LRRTM4: variants seen among roughly 807,000 people sequenced by gnomAD.
LRRTM4 encodes leucine rich repeat transmembrane neuronal 4.
In LRRTM4, 25 loss-of-function variants were observed where a neutral mutation model predicts 47.6. The ratio of observed to expected loss-of-function variants is 0.53; its 90% CI spans 0.38 to 0.73. The LOEUF (loss-of-function observed/expected upper bound fraction) is 0.73, where lower values mean the gene tolerates loss of function less well. Ranked by LOEUF, LRRTM4 falls within the 30% of genes least tolerant of loss-of-function variation. LRRTM4 has a pLI of 0.00. For missense variants in LRRTM4, 638 were observed against 713.4 expected (o/e 0.89, Z 1.20); for synonymous variants, 311 against 269.5 (o/e 1.15, Z -1.51).
intron 3 of LRRTM4, among the ~76,000 whole-genome samples, chr2:76,755,177 C>T (rs922668500): frequency 1.3e-5 from 2 of 152,096 alleles, no homozygotes; most frequent in Admixed American, 6.6e-5. Context: ...TATCCCTGAC[C>T]ATTTTACTAT....
chr2:77,364,133 A>T (rs1438033430), intron 3 of LRRTM4, among the ~76,000 whole-genome samples: 4 of 139,210 alleles, frequency 2.9e-5, no homozygotes, highest in Admixed American at 7.0e-5. Context: ...TGACTACAAA[A>T]AAAAAAAAAA....
intron 3 of LRRTM4, among the ~76,000 whole-genome samples, chr2:76,882,690 C>T (rs900943501): frequency 6.6e-6 from 1 of 152,072 alleles, no homozygotes; most frequent in Non-Finnish European, 1.5e-5. Flanking sequence ...GGAGACTGGT[C>T]TCCTGAACAG....
intron 3 of LRRTM4, among the ~76,000 whole-genome samples, chr2:77,466,578 G>A (rs1676990031): frequency 6.6e-6 from 1 of 151,818 alleles, no homozygotes; most frequent in Non-Finnish European, 1.5e-5. Flanking sequence ...TTTTCTTTGT[G>A]AAAAATTGAC....
At chr2:77,469,425 T>C (rs1472516238) in intron 3 of LRRTM4, among the ~76,000 whole-genome samples, 2 of 110,410 alleles carry the variant, frequency 1.8e-5, no homozygotes, top group Non-Finnish European at 3.7e-5. Flanking sequence ...AATTTAGTAA[T>C]AGAGAGCTAA....
intron 3 of LRRTM4, among the ~76,000 whole-genome samples, chr2:76,786,291 G>A (rs546910608): frequency 2.2e-4 from 34 of 151,888 alleles, no homozygotes; most frequent in South Asian, 4.2e-4. Context: ...TGAAAATGGC[G>A]GAGATTGTAT....
intron 3 of LRRTM4, among the ~76,000 whole-genome samples, chr2:77,430,504 CT>C (rs1675323403): frequency 1.3e-5 from 2 of 152,058 alleles, no homozygotes; most frequent in African/African-American, 4.8e-5. Flanking sequence ...GGAGGATCAC[CT>C]GACATCGGGA....
intron 3 of LRRTM4, among the ~76,000 whole-genome samples, chr2:77,148,884 G>T (rs1339593880): frequency 1.3e-5 from 2 of 152,138 alleles, no homozygotes; most frequent in African/African-American, 2.4e-5. Flanking sequence ...TTCTCATATG[G>T]TTGACTAAAT....
intron 3 of LRRTM4, among the ~76,000 whole-genome samples, chr2:77,513,600 G>T (rs892480143): frequency 6.6e-6 from 1 of 151,806 alleles, no homozygotes; most frequent in Admixed American, 6.6e-5. Context: ...GATGAGTCTT[G>T]TTCTGTTGCC....
chr2:77,137,194 TGAA>T (rs1671970696), intron 3 of LRRTM4, among the ~76,000 whole-genome samples: 1 of 151,380 alleles, frequency 6.6e-6, no homozygotes, highest in Non-Finnish European at 1.5e-5. Context: ...AAAGATGAAA[TGAA>T]GGAAAAAATG....
Position 77,124,489 on chromosome 2 carries a change from A to T in LRRTM4, c.1552-375573T>A, listed in dbSNP as rs187272345. Among the ~76,000 whole-genome samples, 4 of 152,270 alleles carry T rather than the reference A, an allele frequency of 2.6e-5. No individual in the cohort carries two copies. The East Asian group carries it at 7.7e-4, about 29-fold the overall frequency. On this transcript the variant is annotated intron_variant, in intron 3 of 3. Coordinates refer to ENST00000409884, the MANE Select transcript of LRRTM4 (RefSeq NM_001134745.3). The stretch of plus-strand genomic sequence containing the variant: ...AGCAGCACGAGTTCAGAAGTTTTAA[A>T]GAAAACTTACTGTCAATGAGCCAAT...
intron 3 of LRRTM4, among the ~76,000 whole-genome samples, chr2:77,166,181 C>G (rs940242573): frequency 2.6e-5 from 4 of 152,084 alleles, no homozygotes; most frequent in Admixed American, 2.0e-4. Flanking sequence ...AACAGAGAGC[C>G]AAATCATGAG....
intron 3 of LRRTM4, among the ~76,000 whole-genome samples, chr2:76,866,292 C>T (rs1324409258): frequency 6.6e-6 from 1 of 152,136 alleles, no homozygotes; most frequent in African/African-American, 2.4e-5. Context: ...TTCCATCATC[C>T]TTCTCTTTGA....
Position 76,957,090 on chromosome 2 carries a change from G to C in LRRTM4, c.1552-208174C>G, listed in dbSNP as rs151028588. 2.1e-3 allele frequency among the ~76,000 whole-genome samples: 314 copies of C among 151,800 alleles called. 1 individual carries two copies. The highest frequency in any genetic ancestry group is 3.3e-3 in the Non-Finnish European group (223 of 67,770). ...TGAAATATTATTTGGCAAGAAAAGA[G>C]AAAATATTGTTATATGCTACAACAT... is the stretch of plus-strand genomic sequence containing the variant. On this transcript the variant is annotated intron_variant, in intron 3 of 3. Transcript: ENST00000409884.
rs1431943503 is a variant in LRRTM4 at position 77,341,498 on chromosome 2, T to A, written c.1551+176820A>T. Among the ~76,000 whole-genome samples the A allele has an allele frequency of 1.3e-5, 2 of 152,028 alleles. 1 individual carries two copies. The highest frequency in any genetic ancestry group is 4.1e-4 in the South Asian group (2 of 4,836). On this transcript the variant is annotated intron_variant, in intron 3 of 3. Transcript: ENST00000409884. ...CAGCTGCTATTGAAGAGTCCATATT[T>A]CCTCTAAAACAATGTTTATCACATT...
intron 3 of LRRTM4, among the ~76,000 whole-genome samples, chr2:76,966,195 C>A (rs1676017349): frequency 6.6e-6 from 1 of 150,802 alleles, no homozygotes. Context: ...CAATGAATTG[C>A]AAACAAAAAG....
intron 3 of LRRTM4, among the ~76,000 whole-genome samples, chr2:76,771,867 G>A (rs968492304): frequency 2.0e-4 from 30 of 151,992 alleles, no homozygotes; most frequent in African/African-American, 7.3e-4. Flanking sequence ...GTGACGATGA[G>A]GAGTTTGAGG....
intron 3 of LRRTM4, among the ~76,000 whole-genome samples, chr2:77,447,161 T>C (rs1204542674): frequency 6.6e-6 from 1 of 152,118 alleles, no homozygotes; most frequent in African/African-American, 2.4e-5. Context: ...TTTCACCAGA[T>C]TCTCCAATAC....
chr2:76,783,275 C>CTTTCCATACATGAAAACAATG (rs1674495988), intron 3 of LRRTM4, among the ~76,000 whole-genome samples: 1 of 152,118 alleles, frequency 6.6e-6, no homozygotes, highest in Admixed American at 6.6e-5. Context: ...GGGAATCCAC[C>CTTTCCATACATGAAAACAATG]TTTCCATACA....
intron 3 of LRRTM4, among the ~76,000 whole-genome samples, chr2:77,200,616 C>A (rs917765928): frequency 6.6e-6 from 1 of 151,986 alleles, no homozygotes; most frequent in African/African-American, 2.4e-5. Flanking sequence ...ATCATTTTGG[C>A]TAGGGTAAAA....
Sources: gnomAD v4.1 joint callset for allele counts (sites outside exome capture counted in the v4.1 genomes callset) on GRCh38, gnomAD v4.1.1 for gene constraint, MANE v1.5 for transcripts, NCBI Gene and HGNC (gene_info 2026-07-23, HGNC 2026-07-21) for gene names.